Variants in LARP1B observed in about 807,000 individuals in gnomAD.
LARP1B encodes la-related protein 1B.
LARP1B carries 76 observed loss-of-function variants against 114.2 expected under a neutral mutation model. The ratio of observed to expected loss-of-function variants is 0.67; its 90% CI spans 0.55 to 0.81. The LOEUF (loss-of-function observed/expected upper bound fraction) is 0.81. Among genes scored for constraint, LARP1B ranks in the 30% least tolerant of loss-of-function variants. The pLI, the probability that LARP1B is intolerant of heterozygous loss-of-function variation, is 0.00. For synonymous variants in LARP1B, 345 were observed against 348.0 expected, an observed-to-expected ratio of 0.99 and a Z score of 0.10; for missense variants, 1,014 against 1,075.8, an observed-to-expected ratio of 0.94 and a Z score of 0.80.
chr4:128,080,304 T>C (rs1257501357), intron 4 of LARP1B, among the ~76,000 whole-genome samples: 1 of 152,178 alleles, frequency 6.6e-6, no homozygotes, highest in Non-Finnish European at 1.5e-5. Context: ...ATTGCTTCAA[T>C]TAAAACTGGT....
rs777513379 is a variant in LARP1B at position 128,206,585 on chromosome 4, C to T, written c.2419+48C>T. ...TGTACTCTAATTGGAAATTGTAAACCTGAGTCTGTCAGTAAATAGGGAAGG... is the reference window on the plus strand; with the variant it reads ...TGTACTCTAATTGGAAATTGTAAACTTGAGTCTGTCAGTAAATAGGGAAGG... On this transcript the variant is annotated intron_variant, in intron 18 of 19. Coordinates refer to ENST00000326639, the MANE Select transcript of LARP1B (RefSeq NM_018078.4). 1.6e-5 allele frequency: 25 copies of T among 1,558,404 alleles called. No homozygotes were observed. The South Asian group carries it at 2.9e-4, about 18-fold the overall frequency.
At chr4:128,137,454 A>G (rs893575416) in intron 11 of LARP1B, among the ~76,000 whole-genome samples, 2 of 152,126 alleles carry the variant, frequency 1.3e-5, no homozygotes, top group African/African-American at 4.8e-5. Context: ...GCCAAATCTT[A>G]GTTATATTTG....
chr4:128,066,687 A>AG (rs1763038238), intron 1 of LARP1B, among the ~76,000 whole-genome samples: 1 of 151,840 alleles, frequency 6.6e-6, no homozygotes, highest in Non-Finnish European at 1.5e-5. Flanking sequence ...TATGTTGGTC[A>AG]GGCTGGTCTC....
At chr4:128,069,006 T>C in intron 1 of LARP1B, 1 of 810,702 alleles carries the variant, frequency 1.2e-6, no homozygotes, top group Non-Finnish European at 1.9e-6. Context: ...TTACAAACTT[T>C]ACTTATATTG....
chr4:128,194,419 A>T (rs1578581982), intron 15 of LARP1B, among the ~76,000 whole-genome samples: 1 of 151,002 alleles, frequency 6.6e-6, no homozygotes, highest in Non-Finnish European at 1.5e-5. Context: ...GCAGTGGCTC[A>T]CGCCTGTAAT....
chr4:128,114,438 A>G, intron 9 of LARP1B, 132 bp from the exon 10 acceptor site: 1 of 666,928 alleles, frequency 1.5e-6, no homozygotes, highest in South Asian at 2.2e-5. Context: ...AAATCACTGG[A>G]AAGCTTACAG....
chr4:128,151,491 C>T (rs934849871), intron 11 of LARP1B, among the ~76,000 whole-genome samples: 4 of 150,982 alleles, frequency 2.6e-5, no homozygotes, highest in African/African-American at 9.7e-5. Context: ...GTTGTGCTGC[C>T]TTTTTTTTTC....
intron 15 of LARP1B, among the ~76,000 whole-genome samples, chr4:128,196,248 C>CAAAAAAAAAAAAAAAAAAAA (rs35423896): frequency 1.1e-5 from 1 of 88,614 alleles, no homozygotes; most frequent in Non-Finnish European, 2.2e-5. Flanking sequence ...GAGAGTCTGT[C>CAAAAAAAAAAAAAAAAAAAA]AAAAAAAAAA....
intron 8 of LARP1B, among the ~76,000 whole-genome samples, chr4:128,100,201 G>A (rs574207951): frequency 6.6e-5 from 10 of 152,082 alleles, no homozygotes; most frequent in African/African-American, 1.7e-4. Flanking sequence ...ACTTTCAGGC[G>A]ATCCATCCGC....
At chr4:128,203,916 G>A (rs1206968396) in intron 17 of LARP1B, among the ~76,000 whole-genome samples, 1 of 152,180 alleles carries the variant, frequency 6.6e-6, no homozygotes, top group Non-Finnish European at 1.5e-5. Context: ...TAAGCCTCTA[G>A]GTTTTCTACT....
intron 1 of LARP1B, among the ~76,000 whole-genome samples, chr4:128,070,586 G>A (rs752352842): frequency 3.3e-5 from 5 of 152,118 alleles, no homozygotes; most frequent in Non-Finnish European, 4.4e-5. Context: ...GCTTGAACCC[G>A]GGAGGCGGAG....
At chr4:128,166,663 A>T (rs1257047923) in intron 12 of LARP1B, among the ~76,000 whole-genome samples, 1 of 151,586 alleles carries the variant, frequency 6.6e-6, no homozygotes, top group Non-Finnish European at 1.5e-5. Context: ...TGTACATTAG[A>T]TCTCTAGACT....
At chr4:128,156,860 A>G (rs1735916852) in intron 11 of LARP1B, among the ~76,000 whole-genome samples, 1 of 114,106 alleles carries the variant, frequency 8.8e-6, no homozygotes, top group Non-Finnish European at 1.8e-5. Flanking sequence ...AAAGGCTTGA[A>G]GCTAAAAAAA....
At position 128,075,006 on chromosome 4, in the gene LARP1B, T is replaced by C. The variant is rs1767228999; in HGVS notation, c.42+13T>C. ...AGTGAACACTGGAGTGAGTATTGTTTTAAAGTTTTTTTTTTTAAAGAAAGG... is the reference window on the plus strand; with the variant it reads ...AGTGAACACTGGAGTGAGTATTGTTCTAAAGTTTTTTTTTTTAAAGAAAGG... On this transcript the variant is annotated intron_variant, in intron 3 of 19. Transcript: ENST00000326639. 3 of 1,571,398 alleles carry C rather than the reference T, an allele frequency of 1.9e-6. No individual in the cohort carries two copies. The highest frequency in any genetic ancestry group is 2.6e-6 in the Non-Finnish European group (3 of 1,149,626).
At chr4:128,121,755 C>A in intron 10 of LARP1B, 71 bp from the exon 11 acceptor site, 2 of 1,106,396 alleles carry the variant, frequency 1.8e-6, no homozygotes, top group Non-Finnish European at 2.5e-6. Context: ...TTACTTGTAA[C>A]ACTGTTTTAT....
intron 11 of LARP1B, chr4:128,156,225 T>A: frequency 6.5e-7 from 1 of 1,531,594 alleles, no homozygotes; most frequent in Non-Finnish European, 9.0e-7. Context: ...CCTTACTCCC[T>A]GCAGGTGCCA....
intron 11 of LARP1B, chr4:128,123,654 ATGTTCAAT>A (rs1286257924): frequency 2.8e-6 from 2 of 703,396 alleles, no homozygotes; most frequent in African/African-American, 3.9e-5. Context: ...GCACAAAGAA[ATGTTCAAT>A]TCATGTTTGT....
intron 11 of LARP1B, among the ~76,000 whole-genome samples, chr4:128,124,833 G>A (rs1315649706): frequency 1.3e-5 from 2 of 152,162 alleles, no homozygotes; most frequent in Non-Finnish European, 2.9e-5. Flanking sequence ...GTGTTGTTGT[G>A]GAAGTCAAAA....
intron 10 of LARP1B, among the ~76,000 whole-genome samples, chr4:128,120,857 C>T (rs1015354927): frequency 6.9e-6 from 1 of 145,750 alleles, no homozygotes; most frequent in Non-Finnish European, 1.5e-5. Context: ...GTCTCCCAGG[C>T]TGGAGTCCAG....
Sources: allele counts gnomAD v4.1 joint callset (sites outside exome capture counted in the v4.1 genomes callset), GRCh38; gene constraint gnomAD v4.1.1; transcripts MANE v1.5; gene names NCBI Gene and HGNC (gene_info 2026-07-23, HGNC 2026-07-21).